ADAP2: variants seen among roughly 807,000 people sequenced by gnomAD.
ADAP2 encodes arf-GAP with dual PH domain-containing protein 2.
A neutral mutation model predicts 54.9 loss-of-function variants in ADAP2; 42 were observed. The ratio of observed to expected loss-of-function variants is 0.77; its 90% confidence interval spans 0.60 to 0.99. The LOEUF (loss-of-function observed/expected upper bound fraction) is 0.99, where lower values mean the gene tolerates loss of function less well. ADAP2 is among the 50% of genes least tolerant of loss of function. ADAP2 has a pLI of 0.00. For missense variants in ADAP2, 429 were observed against 480.4 expected, an observed-to-expected ratio of 0.89 and a Z score of 1.00; for synonymous variants, 177 against 180.1, an observed-to-expected ratio of 0.98 and a Z score of 0.14.
At chr17:30,931,436 C>G (rs1911473913) in intron 3 of ADAP2, among the ~76,000 whole-genome samples, 1 of 152,066 alleles carries the variant, frequency 6.6e-6, no homozygotes, top group Non-Finnish European at 1.5e-5. Context: ...ATTATCCAAC[C>G]CCGAATGTTA....
intron 4 of ADAP2, among the ~76,000 whole-genome samples, chr17:30,932,904 A>G (rs1172792704): frequency 1.3e-5 from 2 of 152,132 alleles, no homozygotes. Flanking sequence ...AGACTCCTCC[A>G]CTGGACAGAC....
chr17:30,928,948 A>G (rs922132374), intron 3 of ADAP2, among the ~76,000 whole-genome samples: 1 of 152,214 alleles, frequency 6.6e-6, no homozygotes, highest in African/African-American at 2.4e-5. Flanking sequence ...TGGCAAACAG[A>G]AAGCAGCTGC....
intron 5 of ADAP2, among the ~76,000 whole-genome samples, chr17:30,940,210 G>A (rs1912168304): frequency 6.6e-6 from 1 of 151,856 alleles, no homozygotes; most frequent in Non-Finnish European, 1.5e-5. Flanking sequence ...CGATCTACCA[G>A]CCTCAGTCTC....
Position 30,944,998 on chromosome 17 carries a change from C to G in ADAP2, c.602C>G (p.Thr201Ser). 6.2e-7 allele frequency: 1 copy of G among 1,614,132 alleles called. No individual in the cohort carries two copies. The highest frequency in any genetic ancestry group is 8.5e-7 in the Non-Finnish European group (1 of 1,180,032). The stretch of plus-strand genomic sequence containing the variant: ...GGGCACCCCCATGGGCTGCAGATCA[C>G]CTACAGGAGAGATGGCCACACCAGG... Reference protein sequence around the residue: ...KIGHPHGLQITYRRDGHTRNL... With the variant: ...KIGHPHGLQISYRRDGHTRNL... The change falls in exon 6 of 11, where the codon ACC becomes AGC. Residue 201 changes from threonine to serine, a missense_variant. By Grantham distance (58) the Thr-to-Ser change is moderately conservative. Transcript: ENST00000330889.
chr17:30,926,663 T>G, intron 2 of ADAP2, 164 bp from the exon 3 acceptor site: 1 of 632,010 alleles, frequency 1.6e-6, no homozygotes, highest in Non-Finnish European at 2.8e-6. Flanking sequence ...CTGCCCATGA[T>G]TGTTACAGGC....
At chr17:30,926,796 A>T in intron 2 of ADAP2, 31 bp from the exon 3 acceptor site, 1 of 1,599,758 alleles carries the variant, frequency 6.3e-7, no homozygotes, top group Non-Finnish European at 8.6e-7. Flanking sequence ...TTCAAGTTCT[A>T]ATATTACCTC....
intron 2 of ADAP2, among the ~76,000 whole-genome samples, chr17:30,924,866 G>GTTTTTTTTTTTTTT (rs201358322): frequency 6.8e-6 from 1 of 147,022 alleles, no homozygotes; most frequent in Non-Finnish European, 1.5e-5. Context: ...TTTCTTTTTT[G>GTTTTTTTTTTTTTT]TTTTTTTTGT....
intron 2 of ADAP2, among the ~76,000 whole-genome samples, 174 bp downstream of exon 2, chr17:30,923,244 C>G (rs377470675): frequency 1.8e-3 from 271 of 150,868 alleles, no homozygotes; most frequent in African/African-American, 6.4e-3. Context: ...AGTTCAAATT[C>G]TGGCTCTATC....
At chr17:30,945,147 C>A in intron 6 of ADAP2, 94 bp downstream of exon 6, 2 of 1,395,020 alleles carry the variant, frequency 1.4e-6, no homozygotes, top group Non-Finnish European at 1.9e-6. Flanking sequence ...TGGTGCTGTG[C>A]TCAGCTGCCT....
chr17:30,951,749 A>G (rs372898072), intron 7 of ADAP2, among the ~76,000 whole-genome samples: 5 of 143,064 alleles, frequency 3.5e-5, no homozygotes, highest in South Asian at 4.4e-4. Context: ...TCCGCCTCCC[A>G]GGTTCACGCC....
At chr17:30,927,920 A>G (rs1254856741) in intron 3 of ADAP2, among the ~76,000 whole-genome samples, 1 of 151,986 alleles carries the variant, frequency 6.6e-6, no homozygotes, top group Non-Finnish European at 1.5e-5. Flanking sequence ...CTGAGCTACT[A>G]GGAAGACTGA....
chr17:30,954,856 T>C (rs901272095), intron 9 of ADAP2, among the ~76,000 whole-genome samples: 3 of 152,130 alleles, frequency 2.0e-5, no homozygotes, highest in Non-Finnish European at 4.4e-5. Flanking sequence ...GAGGCCGTGA[T>C]GTGTAGTAGT....
chr17:30,943,423 T>C (rs1912415790), intron 5 of ADAP2, among the ~76,000 whole-genome samples: 1 of 150,888 alleles, frequency 6.6e-6, no homozygotes, highest in Non-Finnish European at 1.5e-5. Flanking sequence ...TAAAGACACA[T>C]GTACATGTAT....
At chr17:30,930,224 A>G (rs1911373782) in intron 3 of ADAP2, among the ~76,000 whole-genome samples, 1 of 151,648 alleles carries the variant, frequency 6.6e-6, no homozygotes, top group Admixed American at 6.6e-5. Flanking sequence ...GGCACGTGCC[A>G]CCATGCCCAG....
At position 30,938,315 on chromosome 17, in the gene ADAP2, T is replaced by C. The variant is rs62068774; in HGVS notation, c.510+4018T>C. Among the ~76,000 whole-genome samples, 421 of 152,242 alleles carry C rather than the reference T, an allele frequency of 2.8e-3. 1 individual carries two copies. The highest frequency in any genetic ancestry group is 6.0e-3 in the Admixed American group (92 of 15,286). On this transcript the variant is annotated intron_variant, in intron 5 of 10. Coordinates refer to ENST00000330889, the MANE Select transcript of ADAP2 (RefSeq NM_018404.3). ...TATATGGGGGCTCTGTCTTTCTCATTCAGGAGTCTAGCTTAAGCTTTCTTG... is the reference window on the plus strand; with the variant it reads ...TATATGGGGGCTCTGTCTTTCTCATCCAGGAGTCTAGCTTAAGCTTTCTTG...
At chr17:30,935,602 T>C (rs1452262405) in intron 5 of ADAP2, among the ~76,000 whole-genome samples, 2 of 152,160 alleles carry the variant, frequency 1.3e-5, no homozygotes, top group South Asian at 4.1e-4. Context: ...GTCAAACACA[T>C]ACACCTTTGT....
At position 30,944,978 on chromosome 17, in the gene ADAP2, C is replaced by T. The variant is rs775238975; in HGVS notation, c.582C>T (p.His194=). The T allele has an allele frequency of 6.2e-7, 1 of 1,613,960 alleles. No individual in the cohort carries two copies. Among genetic ancestry groups the T allele is most frequent in the Non-Finnish European group, 8.5e-7 (1 of 1,179,908 alleles). The change falls in exon 6 of 11, where the codon CAC becomes CAT. Residue 194 remains histidine, a synonymous_variant. Coordinates refer to ENST00000330889, the MANE Select transcript of ADAP2 (RefSeq NM_018404.3). ...CCTTCCAGACAGAGAAGATAGGGCA[C>T]CCCCATGGGCTGCAGATCACCTACA... ...NATFQTEKIG[H]PHGLQITYRR... is the part of the protein sequence containing the mutation.
At chr17:30,928,271 G>A (rs1005823413) in intron 3 of ADAP2, among the ~76,000 whole-genome samples, 4 of 151,110 alleles carry the variant, frequency 2.6e-5, no homozygotes, top group African/African-American at 7.3e-5. Flanking sequence ...CGAGGCGGGC[G>A]GATCACTCGA....
At position 30,940,066 on chromosome 17, in the gene ADAP2, C is replaced by T. The variant is rs528239468; in HGVS notation, c.511-4841C>T. On this transcript the variant is annotated intron_variant, in intron 5 of 10. Coordinates refer to ENST00000330889, the MANE Select transcript of ADAP2 (RefSeq NM_018404.3). ...AGCCACAACCTCCCAGGCTCAAGCG[C>T]TCCTTCCACCTCAGCCTCCCGAGTA... Among the ~76,000 whole-genome samples the T allele has an allele frequency of 6.7e-3, 1,012 of 152,136 alleles. 4 individuals carry two copies. Among genetic ancestry groups the T allele is most frequent in the Non-Finnish European group, 0.012 (803 of 67,966 alleles).
Sources: allele counts gnomAD v4.1 joint callset (sites outside exome capture counted in the v4.1 genomes callset), GRCh38; gene constraint gnomAD v4.1.1; transcripts MANE v1.5; gene names NCBI Gene and HGNC (gene_info 2026-07-23, HGNC 2026-07-21).